The following ZNF236 variants were observed in gnomAD, a reference collection of about 807,000 sequenced individuals.
ZNF236 encodes the protein regulated by glucose.
Under a neutral mutation model 191.2 loss-of-function variants are expected in ZNF236, and 50 were observed. That is an observed-to-expected ratio of 0.26 (90% CI 0.21 to 0.33). The LOEUF (loss-of-function observed/expected upper bound fraction) is 0.33. Ranked by LOEUF, ZNF236 falls within the 10% of genes least tolerant of loss-of-function variation. ZNF236 has a pLI of 1.00. For missense variants in ZNF236, 1,754 were observed against 2,374.5 expected, an observed-to-expected ratio of 0.74 and a Z score of 5.43; for synonymous variants, 907 against 928.8, an observed-to-expected ratio of 0.98 and a Z score of 0.43.
At chr18:76,924,483 G>A (rs1157565641) in intron 21 of ZNF236, among the ~76,000 whole-genome samples, 1 of 152,180 alleles carries the variant, frequency 6.6e-6, no homozygotes, top group Admixed American at 6.5e-5. Context: ...GTCCCTCGGT[G>A]GATCCTAGTG....
At chr18:76,948,052 A>G (rs1345265962) in intron 27 of ZNF236, among the ~76,000 whole-genome samples, 2 of 152,112 alleles carry the variant, frequency 1.3e-5, no homozygotes, top group Non-Finnish European at 2.9e-5. Flanking sequence ...GTTAAGTGTC[A>G]TACACATTTT....
At chr18:76,945,698 C>G (rs1468711149) in intron 26 of ZNF236, among the ~76,000 whole-genome samples, 18 of 152,212 alleles carry the variant, frequency 1.2e-4, no homozygotes, top group Admixed American at 1.2e-3. Context: ...GCACAAGAAT[C>G]ACTTGAACCC....
At chr18:76,851,636 A>T in intron 2 of ZNF236, 139 bp from the exon 3 acceptor site, 1 of 865,964 alleles carries the variant, frequency 1.2e-6, no homozygotes, top group Non-Finnish European at 1.7e-6. Flanking sequence ...GGATTTATTG[A>T]CTTAAGAGCC....
chr18:76,912,188 T>G, intron 16 of ZNF236, 56 bp from the exon 17 acceptor site: 2 of 1,361,598 alleles, frequency 1.5e-6, no homozygotes, highest in Non-Finnish European at 2.1e-6. Flanking sequence ...CTCAGTTGTT[T>G]TATGTTTATT....
intron 11 of ZNF236, among the ~76,000 whole-genome samples, chr18:76,904,039 A>T (rs1268951333): frequency 2.0e-5 from 3 of 151,092 alleles, no homozygotes; most frequent in African/African-American, 7.3e-5. Flanking sequence ...AAGTAAATGT[A>T]GAAATTCATT....
intron 9 of ZNF236, among the ~76,000 whole-genome samples, chr18:76,891,735 C>A (rs1021708992): frequency 6.6e-6 from 1 of 151,640 alleles, no homozygotes; most frequent in African/African-American, 2.4e-5. Flanking sequence ...CAGGTGGCCA[C>A]CCAGATGTGC....
chr18:76,835,191 A>G (rs1443130242), intron 1 of ZNF236, among the ~76,000 whole-genome samples: 2 of 152,128 alleles, frequency 1.3e-5, no homozygotes, highest in African/African-American at 4.8e-5. Context: ...CTCATAAGTT[A>G]TTGCAAAAGA....
At chr18:76,896,099 C>G (rs1977398708) in intron 10 of ZNF236, among the ~76,000 whole-genome samples, 1 of 151,278 alleles carries the variant, frequency 6.6e-6, no homozygotes, top group Non-Finnish European at 1.5e-5. Context: ...GTACCGCACA[C>G]AGTTACCAAA....
intron 20 of ZNF236, among the ~76,000 whole-genome samples, chr18:76,920,991 T>A (rs903098934): frequency 1.3e-5 from 2 of 152,206 alleles, no homozygotes; most frequent in Non-Finnish European, 2.9e-5. Flanking sequence ...ATAGAACTAA[T>A]TATTCAGCAA....
At chr18:76,846,805 T>C (rs1975697053) in intron 1 of ZNF236, among the ~76,000 whole-genome samples, 1 of 152,134 alleles carries the variant, frequency 6.6e-6, no homozygotes, top group Non-Finnish European at 1.5e-5. Context: ...TTTTCTTTTT[T>C]TTTTTTTGAG....
At chr18:76,832,302 A>G (rs939435654) in intron 1 of ZNF236, among the ~76,000 whole-genome samples, 2 of 152,096 alleles carry the variant, frequency 1.3e-5, no homozygotes, top group Non-Finnish European at 2.9e-5. Context: ...GCTGGCCTCC[A>G]ACTCCTCGCC....
At position 76,972,486 on chromosome 18, in the gene ZNF236, C is replaced by T. The variant is rs1968921571; in HGVS notation, c.*4147C>T. 6.6e-6 allele frequency among the ~76,000 whole-genome samples: 1 copy of T among 152,066 alleles called. No homozygotes were observed. Among genetic ancestry groups the T allele is most frequent in the South Asian group, 2.1e-4 (1 of 4,818 alleles). ...TCACCCACACACCCTCACACTCACC[C>T]TCCCTACACAGGCATCGGGGCAGTT... On this transcript the variant is annotated 3_prime_UTR_variant, in exon 31 of 31. Transcript: ENST00000320610.
chr18:76,845,654 G>T (rs1259954808), intron 1 of ZNF236, among the ~76,000 whole-genome samples: 2 of 152,002 alleles, frequency 1.3e-5, no homozygotes, highest in Non-Finnish European at 2.9e-5. Flanking sequence ...CTCGAGACCA[G>T]CCTGACCAAC....
intron 28 of ZNF236, among the ~76,000 whole-genome samples, chr18:76,958,628 G>A (rs899264670): frequency 2.0e-5 from 3 of 152,144 alleles, no homozygotes; most frequent in Non-Finnish European, 4.4e-5. Flanking sequence ...ACACAGACCG[G>A]GTGGGAACCC....
chr18:76,843,376 CA>C (rs963477693), intron 1 of ZNF236, among the ~76,000 whole-genome samples: 1 of 152,132 alleles, frequency 6.6e-6, no homozygotes, highest in Non-Finnish European at 1.5e-5. Context: ...CTCCAGGATC[CA>C]GACACTTCAG....
intron 20 of ZNF236, among the ~76,000 whole-genome samples, chr18:76,922,172 C>G (rs1967554329): frequency 6.6e-6 from 1 of 152,048 alleles, no homozygotes; most frequent in African/African-American, 2.4e-5. Context: ...TTAATCTTAC[C>G]AGACCCCTCC....
chr18:76,968,221 T>C lies in ZNF236; in HGVS notation c.5426T>C (p.Leu1809Pro). ...MKRAHSYAGA[L>P]QESAGHPEQD... ...TTCTTTGTCTGCATAACAGGAGCTC[T>C]GCAGGAGTCTGCAGGTCACCCGGAG... Residue 1809 changes from leucine (L) to proline (P), a missense_variant, in exon 31 of 31, where the codon CTG becomes CCG. By Grantham distance (98) the Leu-to-Pro change is moderately conservative. Transcript: ENST00000320610. 6.2e-7 allele frequency: 1 copy of C among 1,613,926 alleles called. No homozygotes were observed. Among genetic ancestry groups the C allele is most frequent in the Middle Eastern group, 1.7e-4 (1 of 6,060 alleles).
chr18:76,906,533 G>C (rs1568223364), intron 13 of ZNF236, among the ~76,000 whole-genome samples: 2 of 152,178 alleles, frequency 1.3e-5, no homozygotes, highest in Non-Finnish European at 2.9e-5. Context: ...AATGGAGCTT[G>C]GGCGCTTGCT....
At position 76,921,342 on chromosome 18, in the gene ZNF236, C is replaced by T. The variant is rs149495988; in HGVS notation, c.3557+1284C>T. 1.6e-4 allele frequency among the ~76,000 whole-genome samples: 24 copies of T among 152,260 alleles called. No individual in the cohort carries two copies. In the East Asian group the frequency reaches 2.5e-3, roughly 16 times the overall value. Reference sequence around the variant, plus strand: ...CTCGTTGAGCCATGCAGTGAAGTTCCGGGGTAGGATCTAAGTTGATGGTGT... The same window carrying T: ...CTCGTTGAGCCATGCAGTGAAGTTCTGGGGTAGGATCTAAGTTGATGGTGT... On this transcript the variant is annotated intron_variant, in intron 20 of 30. Transcript: ENST00000320610.
Sources: gnomAD v4.1 joint callset for allele counts (sites outside exome capture counted in the v4.1 genomes callset) on GRCh38, gnomAD v4.1.1 for gene constraint, MANE v1.5 for transcripts, NCBI Gene and HGNC (gene_info 2026-07-23, HGNC 2026-07-21) for gene names.